ANGPT2: variants seen among roughly 807,000 people sequenced by gnomAD.
ANGPT2 encodes the protein angiopoietin-2.
A neutral mutation model predicts 62.9 loss-of-function variants in ANGPT2; 28 were observed. The observed-to-expected ratio is 0.44, with a 90% CI of 0.33 to 0.61. The LOEUF is 0.61. ANGPT2 is among the 20% of genes least tolerant of loss of function. The pLI, the probability that ANGPT2 is intolerant of heterozygous loss-of-function variation, is 0.03. For missense variants in ANGPT2, 727 were observed against 594.9 expected (o/e 1.22, Z -2.31); for synonymous variants, 284 against 207.8 (o/e 1.37, Z -3.15).
At chr8:6,548,182 G>C (rs1019293291) in intron 1 of ANGPT2, among the ~76,000 whole-genome samples, 4 of 152,140 alleles carry the variant, frequency 2.6e-5, no homozygotes, top group African/African-American at 9.7e-5. Context: ...GGAGTGGCTT[G>C]AGGCGGCACG....
chr8:6,502,916 G>A lies in ANGPT2; in HGVS notation c.*185C>T, dbSNP rs746318167. 10 of 641,924 alleles carry A rather than the reference G, an allele frequency of 1.6e-5. No individual in the cohort carries two copies. Among genetic ancestry groups the A allele is most frequent in the African/African-American group, 3.7e-5 (2 of 54,368 alleles). 39.8% of individuals were successfully genotyped at this position (641,924 alleles called of 1,614,324 possible). On this transcript the variant is annotated 3_prime_UTR_variant, in exon 9 of 9. Transcript: ENST00000629816. The stretch of plus-strand genomic sequence containing the variant: ...GATGTTTAGGGTCTTGCTTTGGTCC[G>A]TTAAGTGATGCAAGTTTAAGTGATA...
chr8:6,540,348 T>C (rs1469680548), intron 1 of ANGPT2, among the ~76,000 whole-genome samples: 3 of 152,246 alleles, frequency 2.0e-5, no homozygotes, highest in African/African-American at 7.2e-5. Context: ...TTCTCATCAA[T>C]AGCAGGCATT....
At chr8:6,560,810 G>A (rs1825415688) in intron 1 of ANGPT2, among the ~76,000 whole-genome samples, 1 of 152,198 alleles carries the variant, frequency 6.6e-6, no homozygotes, top group African/African-American at 2.4e-5. Context: ...ACCTAAGAAA[G>A]AAATATGAGC....
rs552362193 is a variant in ANGPT2 at position 6,500,768 on chromosome 8, G to T, written c.*2333C>A. 1 of 152,216 alleles carries T rather than the reference G, an allele frequency of 6.6e-6. No individual in the cohort carries two copies. The highest frequency in any genetic ancestry group is 2.4e-5 in the African/African-American group (1 of 41,444). 9.4% of individuals were successfully genotyped at this position (152,216 alleles called of 1,614,324 possible). Reference sequence around the variant, plus strand: ...ACTGTTTGTTTGAAATACCGTGTAAGGAATTGAAGTGTAAAGTAAAAACAC... The same window carrying T: ...ACTGTTTGTTTGAAATACCGTGTAATGAATTGAAGTGTAAAGTAAAAACAC... On this transcript the variant is annotated 3_prime_UTR_variant, in exon 9 of 9. Transcript: ENST00000629816.
chr8:6,527,739 C>T (rs909700963), intron 2 of ANGPT2, 63 bp from the exon 3 acceptor site: 2 of 1,444,920 alleles, frequency 1.4e-6, no homozygotes, highest in African/African-American at 2.9e-5. Context: ...TTCTAACTTC[C>T]TTTTCATTAA....
rs182889812 is a variant in ANGPT2 at position 6,517,350 on chromosome 8, A to C, written c.927+2514T>G. 1.4e-3 allele frequency among the ~76,000 whole-genome samples: 219 copies of C among 152,348 alleles called. 2 individuals are homozygous for C. Among genetic ancestry groups the C allele is most frequent in the East Asian group, 1.4e-3 (7 of 5,180 alleles). On this transcript the variant is annotated intron_variant, in intron 5 of 8. Transcript: ENST00000629816. Reference sequence around the variant, plus strand: ...TGAGGCAATGATTAAGTGACGGGTTAAATAGCAAACCATAGAGACAACCGT... The same window carrying C: ...TGAGGCAATGATTAAGTGACGGGTTCAATAGCAAACCATAGAGACAACCGT...
chr8:6,510,639 C>T (rs542704139), intron 7 of ANGPT2, among the ~76,000 whole-genome samples: 1 of 152,102 alleles, frequency 6.6e-6, no homozygotes, highest in Non-Finnish European at 1.5e-5. Flanking sequence ...TAAACTTGTC[C>T]GAGGTCAGAC....
chr8:6,509,270 T>A (rs914867573), intron 7 of ANGPT2, among the ~76,000 whole-genome samples: 1 of 152,230 alleles, frequency 6.6e-6, no homozygotes, highest in African/African-American at 2.4e-5. Flanking sequence ...GATGTTTTCA[T>A]GAAACCTTCA....
intron 5 of ANGPT2, among the ~76,000 whole-genome samples, chr8:6,518,365 T>C (rs1816696691): frequency 6.6e-6 from 1 of 152,238 alleles, no homozygotes; most frequent in Admixed American, 6.5e-5. Context: ...GTTCGTTGCC[T>C]TTTCATCTGC....
intron 1 of ANGPT2, among the ~76,000 whole-genome samples, chr8:6,545,577 T>A (rs1299382334): frequency 1.3e-5 from 2 of 152,222 alleles, no homozygotes; most frequent in Non-Finnish European, 2.9e-5. Flanking sequence ...TGATGAGGGT[T>A]AAAATGTATA....
At chr8:6,505,318 A>AAAGAATATATATATATTC (rs1813225109) in intron 8 of ANGPT2, among the ~76,000 whole-genome samples, 1 of 59,728 alleles carries the variant, frequency 1.7e-5, no homozygotes, top group African/African-American at 9.3e-5. Context: ...TAACATATAT[A>AAAGAATATATATATATTC]TGTTATATAC....
At chr8:6,544,392 T>A (rs1468039778) in intron 1 of ANGPT2, among the ~76,000 whole-genome samples, 2 of 152,348 alleles carry the variant, frequency 1.3e-5, no homozygotes, top group East Asian at 3.9e-4. Flanking sequence ...ACATGGTGAT[T>A]ATGACTTTGG....
chr8:6,503,906 G>A (rs371020843), intron 8 of ANGPT2, among the ~76,000 whole-genome samples: 1 of 152,178 alleles, frequency 6.6e-6, no homozygotes, highest in Non-Finnish European at 1.5e-5. Context: ...GAGCATGCTG[G>A]GGTTTGTGAG....
intron 8 of ANGPT2, among the ~76,000 whole-genome samples, chr8:6,504,461 C>A (rs1041584655): frequency 6.6e-6 from 1 of 152,118 alleles, no homozygotes; most frequent in African/African-American, 2.4e-5. Flanking sequence ...TGTCTACATC[C>A]GGTCTCCTGA....
rs146054688 is a variant in ANGPT2 at position 6,535,291 on chromosome 8, A to G, written c.289-2804T>C. 2.3e-3 allele frequency among the ~76,000 whole-genome samples: 346 copies of G among 152,310 alleles called. 2 individuals are homozygous for G. The highest frequency in any genetic ancestry group is 7.7e-3 in the African/African-American group (320 of 41,556). ...TGCAACTCTCCAGAGATATGAGAGG[A>G]TTGTTTATAATTGAAAACTTAAAGT... is the stretch of plus-strand genomic sequence containing the variant. On this transcript the variant is annotated intron_variant, in intron 1 of 8. Coordinates refer to ENST00000629816, the MANE Select transcript of ANGPT2 (RefSeq NM_001118887.2).
At chr8:6,517,908 G>A (rs936031952) in intron 5 of ANGPT2, among the ~76,000 whole-genome samples, 1 of 152,164 alleles carries the variant, frequency 6.6e-6, no homozygotes, top group Non-Finnish European at 1.5e-5. Flanking sequence ...TTCAAGATGA[G>A]AAAATTGAGG....
At position 6,521,379 on chromosome 8, in the gene ANGPT2, C is replaced by G. The variant is rs1336293031; in HGVS notation, c.598G>C (p.Asp200His). 6.2e-7 allele frequency: 1 copy of G among 1,613,136 alleles called. No homozygotes were observed. The highest frequency in any genetic ancestry group is 8.5e-7 in the Non-Finnish European group (1 of 1,179,800). Residue 200 changes from aspartate to histidine, a missense_variant, in exon 4 of 9, where the codon GAC becomes CAC. Physicochemically the swap from Asp to His is moderately conservative, Grantham distance 81 (BLOSUM62 -1). Coordinates refer to ENST00000629816, the MANE Select transcript of ANGPT2 (RefSeq NM_001118887.2). ...FLEKKVLAME[D>H]KHIIQLQSIK... is the part of the protein sequence containing the mutation. ...GACTGTAGTTGGATGATGTGCTTGT[C>G]TTCCATAGCTAGCACCTTCTTTTCT...
intron 1 of ANGPT2, among the ~76,000 whole-genome samples, chr8:6,540,763 A>C (rs1053228033): frequency 6.6e-6 from 1 of 152,276 alleles, no homozygotes. Context: ...GCAGGCATGC[A>C]GGAAGTTTAT....
intron 1 of ANGPT2, among the ~76,000 whole-genome samples, chr8:6,545,028 C>T (rs889618495): frequency 2.0e-5 from 3 of 152,106 alleles, no homozygotes; most frequent in African/African-American, 7.2e-5. Context: ...CATAATAGAT[C>T]GCTGTCAAAT....
Sources: gnomAD v4.1 joint callset for allele counts (sites outside exome capture counted in the v4.1 genomes callset) on GRCh38, gnomAD v4.1.1 for gene constraint, MANE v1.5 for transcripts, NCBI Gene and HGNC (gene_info 2026-07-23, HGNC 2026-07-21) for gene names.